The following EPHA6 variants were observed in gnomAD, a reference collection of about 807,000 sequenced individuals.
EPHA6 encodes the protein EPH receptor A6, also known as ephrin type-A receptor 6.
Under a neutral mutation model 112.0 loss-of-function variants are expected in EPHA6, and 50 were observed. The ratio of observed to expected loss-of-function variants is 0.45; its 90% CI spans 0.36 to 0.56. The LOEUF (loss-of-function observed/expected upper bound fraction) is 0.56. Among genes scored for constraint, EPHA6 ranks in the 20% least tolerant of loss-of-function variants. The pLI is 0.00. For synonymous variants in EPHA6, 529 were observed against 490.7 expected (o/e 1.08, Z -1.03); for missense variants, 1,280 against 1,417.4 (o/e 0.90, Z 1.56).
intron 3 of EPHA6, among the ~76,000 whole-genome samples, chr3:97,040,677 TG>T (rs1365552435): frequency 6.6e-6 from 1 of 152,116 alleles, no homozygotes; most frequent in East Asian, 1.9e-4. Context: ...AGATGATTCC[TG>T]AAATAAAATA....
At chr3:97,365,442 G>A (rs954617878) in intron 5 of EPHA6, among the ~76,000 whole-genome samples, 1 of 151,834 alleles carries the variant, frequency 6.6e-6, no homozygotes, top group Admixed American at 6.6e-5. Flanking sequence ...CCAGGCTGGA[G>A]TGCTATGGCG....
At chr3:97,601,472 A>G (rs748004472) in intron 12 of EPHA6, among the ~76,000 whole-genome samples, 6 of 152,090 alleles carry the variant, frequency 3.9e-5, no homozygotes, top group Non-Finnish European at 7.4e-5. Flanking sequence ...TATAACTAAC[A>G]TGGAGACAGA....
At chr3:97,483,696 T>C (rs1223580652) in intron 9 of EPHA6, among the ~76,000 whole-genome samples, 1 of 152,208 alleles carries the variant, frequency 6.6e-6, no homozygotes, top group African/African-American at 2.4e-5. Context: ...ATGTGTTTTC[T>C]GGAACCTGTC....
chr3:96,956,591 T>C (rs1201869238), intron 2 of EPHA6, among the ~76,000 whole-genome samples: 2 of 152,214 alleles, frequency 1.3e-5, no homozygotes, highest in African/African-American at 4.8e-5. Flanking sequence ...GACAGGCTCC[T>C]GTCAAGCTAG....
chr3:97,485,212 C>G lies in EPHA6; in HGVS notation c.2200+1153C>G, dbSNP rs996238528. ...AGGCCAAAAGAAAGCAGCTGATGAT[C>G]CTCTGTTTCTTTCAAAGTCCTTTTT... On this transcript the variant is annotated intron_variant, in intron 10 of 17. Coordinates refer to ENST00000389672, the MANE Select transcript of EPHA6 (RefSeq NM_001080448.3). 2.0e-5 allele frequency among the ~76,000 whole-genome samples: 3 copies of G among 152,292 alleles called. No homozygotes were observed. The East Asian group carries it at 5.8e-4, about 29-fold the overall frequency.
intron 12 of EPHA6, among the ~76,000 whole-genome samples, chr3:97,599,177 G>A (rs2093621695): frequency 6.6e-6 from 1 of 151,162 alleles, no homozygotes; most frequent in Non-Finnish European, 1.5e-5. Context: ...CCCTTTGTCA[G>A]ACGAGTAGGT....
intron 13 of EPHA6, among the ~76,000 whole-genome samples, chr3:97,635,296 C>T (rs972428586): frequency 2.6e-5 from 4 of 151,972 alleles, no homozygotes; most frequent in South Asian, 2.1e-4. Context: ...TTATTAGAAC[C>T]GTTATTACCA....
At chr3:97,720,640 T>G (rs2034485334) in intron 15 of EPHA6, among the ~76,000 whole-genome samples, 1 of 152,198 alleles carries the variant, frequency 6.6e-6, no homozygotes, top group Non-Finnish European at 1.5e-5. Flanking sequence ...ACATGTTACA[T>G]CTCAGATTTC....
rs1385650638 is a variant in EPHA6, at chr3:97,590,835, C to T, written c.2387-1777C>T. Among the ~76,000 whole-genome samples the T allele has an allele frequency of 3.3e-5, 5 of 152,286 alleles. No individual in the cohort carries two copies. The South Asian group carries it at 6.2e-4, about 19-fold the overall frequency. On this transcript the variant is annotated intron_variant, in intron 11 of 17. Transcript: ENST00000389672. ...GCTGTATAAATATATGATCACCCCA[C>T]TTGGTATTCAATGATGCACCTTCAT...
chr3:97,009,880 C>G (rs550606284), intron 3 of EPHA6: 1 of 424,738 alleles, frequency 2.4e-6, no homozygotes, highest in Admixed American at 2.7e-5. Context: ...CACCACACCA[C>G]TCTGCTCTTC....
intron 13 of EPHA6, among the ~76,000 whole-genome samples, chr3:97,627,778 T>C (rs1015897777): frequency 1.3e-5 from 2 of 151,922 alleles, no homozygotes; most frequent in African/African-American, 4.8e-5. Flanking sequence ...TGGACAGCAA[T>C]GATTCTCATA....
chr3:96,897,069 TG>T (rs1404797598), intron 2 of EPHA6, among the ~76,000 whole-genome samples: 10 of 143,576 alleles, frequency 7.0e-5, no homozygotes, highest in African/African-American at 2.8e-4. Flanking sequence ...ACTCTATACA[TG>T]CTAATACATC....
At chr3:97,526,542 T>TGA (rs1343172520) in intron 10 of EPHA6, among the ~76,000 whole-genome samples, 1 of 151,940 alleles carries the variant, frequency 6.6e-6, no homozygotes, top group Non-Finnish European at 1.5e-5. Context: ...AGACTGCATC[T>TGA]GAGAGGGGCT....
At chr3:97,068,557 G>T (rs1382850497) in intron 3 of EPHA6, among the ~76,000 whole-genome samples, 1 of 151,926 alleles carries the variant, frequency 6.6e-6, no homozygotes, top group South Asian at 2.1e-4. Context: ...TAGTAGTTGT[G>T]TATAAAAAGA....
At chr3:97,464,803 G>A (rs1294146332) in intron 7 of EPHA6, among the ~76,000 whole-genome samples, 1 of 152,104 alleles carries the variant, frequency 6.6e-6, no homozygotes, top group African/African-American at 2.4e-5. Flanking sequence ...GAAAAAATAT[G>A]CATGTACAAA....
intron 3 of EPHA6, among the ~76,000 whole-genome samples, chr3:97,039,000 G>A (rs1328092863): frequency 6.6e-6 from 1 of 152,154 alleles, no homozygotes; most frequent in South Asian, 2.1e-4. Context: ...CTGTGCAGGG[G>A]ATTGAAGCCA....
Position 97,608,675 on chromosome 3 carries a change from G to A in EPHA6, c.2513-2118G>A, listed in dbSNP as rs1297871036. Among the ~76,000 whole-genome samples, 12 of 151,110 alleles carry A rather than the reference G, an allele frequency of 7.9e-5. No homozygotes were observed. The Admixed American group carries it at 7.9e-4, about 10-fold the overall frequency. On this transcript the variant is annotated intron_variant, in intron 12 of 17. Transcript: ENST00000389672. ...GATTAGAGAGAGAAGCAAATTGGGA[G>A]ATTATCCTGGCAGGTGACTACAAAA...
At chr3:96,996,786 G>T (rs1359590378) in intron 3 of EPHA6, among the ~76,000 whole-genome samples, 2 of 151,998 alleles carry the variant, frequency 1.3e-5, no homozygotes, top group Non-Finnish European at 2.9e-5. Flanking sequence ...CTAGGTTTAG[G>T]ATTTTCAGAA....
chr3:97,753,145 G>A lies in EPHA6; in HGVS notation c.*4444G>A, dbSNP rs2035941112. ...ATCTTTATAATGTTCCACAAAGACA[G>A]TATAGATTTTATCTAGTTCAGCTTA... On this transcript the variant is annotated 3_prime_UTR_variant, in exon 18 of 18. Coordinates refer to ENST00000389672, the MANE Select transcript of EPHA6 (RefSeq NM_001080448.3). Among the ~76,000 whole-genome samples, 2 of 151,692 alleles carry A rather than the reference G, an allele frequency of 1.3e-5. No homozygotes were observed. Among genetic ancestry groups the A allele is most frequent in the South Asian group, 4.1e-4 (2 of 4,824 alleles).
Sources: allele counts gnomAD v4.1 joint callset (sites outside exome capture counted in the v4.1 genomes callset), GRCh38; gene constraint gnomAD v4.1.1; transcripts MANE v1.5; gene names NCBI Gene and HGNC (gene_info 2026-07-23, HGNC 2026-07-21).